The following VAT1L variants were observed in gnomAD, a reference collection of about 807,000 sequenced individuals.
VAT1L encodes the protein putative NADPH-dependent quinone oxidoreductase VAT1L.
Under a neutral mutation model 44.1 loss-of-function variants are expected in VAT1L, and 34 were observed. The observed-to-expected ratio is 0.77, with a 90% CI of 0.59 to 1.03. The LOEUF (loss-of-function observed/expected upper bound fraction) is 1.03. Ranked by LOEUF, VAT1L falls within the 50% of genes least tolerant of loss-of-function variation. VAT1L has a pLI of 0.00. For missense variants in VAT1L, 615 were observed against 538.8 expected (o/e 1.14, Z -1.40); for synonymous variants, 253 against 202.2 (o/e 1.25, Z -2.13).
chr16:77,938,806 C>G (rs1444404197), intron 7 of VAT1L, among the ~76,000 whole-genome samples: 1 of 151,996 alleles, frequency 6.6e-6, no homozygotes, highest in African/African-American at 2.4e-5. Flanking sequence ...ACTAATACAG[C>G]AAAAATAGGT....
intron 5 of VAT1L, among the ~76,000 whole-genome samples, chr16:77,877,382 C>T (rs1052282683): frequency 1.3e-5 from 2 of 151,798 alleles, no homozygotes; most frequent in Admixed American, 6.6e-5. Context: ...TGGTGGCGGG[C>T]GCCTGTAGTC....
intron 1 of VAT1L, among the ~76,000 whole-genome samples, chr16:77,789,702 A>T (rs999854524): frequency 6.6e-6 from 1 of 151,652 alleles, no homozygotes; most frequent in Admixed American, 6.6e-5. Flanking sequence ...AGGGGAAAAA[A>T]CCCTGATCAG....
At chr16:77,878,452 C>T (rs74385945) in intron 5 of VAT1L, among the ~76,000 whole-genome samples, 1,935 of 152,128 alleles carry the variant, frequency 0.013, 57 homozygotes, top group African/African-American at 0.045. Context: ...GTTAAGAGCT[C>T]TCTCATTCCC....
At chr16:77,977,540 C>T in intron 8 of VAT1L, 57 bp from the exon 9 acceptor site, 1 of 1,568,272 alleles carries the variant, frequency 6.4e-7, no homozygotes. Flanking sequence ...GTCAGATGCT[C>T]AGAGATGACG....
chr16:77,948,825 C>G (rs12444075), intron 7 of VAT1L, among the ~76,000 whole-genome samples: 12,295 of 152,194 alleles, frequency 0.081, 660 homozygotes, highest in East Asian at 0.27. Flanking sequence ...TCATCTTCTA[C>G]ATATGTAACA....
chr16:77,851,420 G>T (rs1262137646), intron 3 of VAT1L, among the ~76,000 whole-genome samples: 1 of 152,192 alleles, frequency 6.6e-6, no homozygotes, highest in Non-Finnish European at 1.5e-5. Context: ...AAGCCGAGGT[G>T]AAAGGATTGC....
chr16:77,789,064 G>A, intron 1 of VAT1L, 149 bp downstream of exon 1: 2 of 997,758 alleles, frequency 2.0e-6, no homozygotes, highest in Non-Finnish European at 2.8e-6. Context: ...AGCCTCCCCG[G>A]GCCAAAGCTG....
intron 3 of VAT1L, among the ~76,000 whole-genome samples, chr16:77,827,507 C>T (rs1472949557): frequency 2.0e-5 from 3 of 152,308 alleles, no homozygotes; most frequent in East Asian, 3.9e-4. Context: ...CTTACAGATG[C>T]TACCGACAAT....
chr16:77,805,771 G>A (rs2016144924), intron 1 of VAT1L, among the ~76,000 whole-genome samples: 2 of 151,358 alleles, frequency 1.3e-5, no homozygotes, highest in South Asian at 2.1e-4. Flanking sequence ...GCCCTGAAGT[G>A]TGATTTTTCA....
intron 7 of VAT1L, among the ~76,000 whole-genome samples, chr16:77,962,900 C>A (rs947432082): frequency 6.6e-6 from 1 of 152,116 alleles, no homozygotes; most frequent in African/African-American, 2.4e-5. Context: ...GGGTTGTGAT[C>A]ATGCCACTGC....
chr16:77,888,103 C>G (rs1214978540), intron 7 of VAT1L, among the ~76,000 whole-genome samples: 1 of 152,198 alleles, frequency 6.6e-6, no homozygotes, highest in Non-Finnish European at 1.5e-5. Flanking sequence ...CTTCAGGTCT[C>G]AGCCTCAGTA....
intron 3 of VAT1L, among the ~76,000 whole-genome samples, chr16:77,853,998 C>T (rs1055441855): frequency 2.6e-5 from 4 of 151,958 alleles, no homozygotes; most frequent in African/African-American, 4.8e-5. Flanking sequence ...CATGGTGGCA[C>T]GTGCCTGTAG....
chr16:77,825,807 G>A (rs894214900), intron 3 of VAT1L, among the ~76,000 whole-genome samples: 1 of 151,030 alleles, frequency 6.6e-6, no homozygotes, highest in East Asian at 2.0e-4. Flanking sequence ...ACGAAGTCAG[G>A]AGATCAAGAC....
At position 77,825,479 on chromosome 16, in the gene VAT1L, A is replaced by G. The variant is rs1238503829; in HGVS notation, c.579+18A>G. 1 of 1,559,788 alleles carries G rather than the reference A, an allele frequency of 6.4e-7. No individual in the cohort carries two copies. Among genetic ancestry groups the G allele is most frequent in the African/African-American group, 1.4e-5 (1 of 73,674 alleles). ...GGGGCGTGGTAAGTCAGCTGTTTGT[A>G]ACTTCTCTTCTTTAAGGTCATGATG... On this transcript the variant is annotated intron_variant, in intron 3 of 8. Transcript: ENST00000302536.
At chr16:77,863,530 C>T (rs1052648093) in intron 4 of VAT1L, among the ~76,000 whole-genome samples, 2 of 152,168 alleles carry the variant, frequency 1.3e-5, no homozygotes, top group African/African-American at 2.4e-5. Context: ...CTTCGGAGCC[C>T]GTGATTTTCC....
chr16:77,865,756 G>A (rs1319820971), intron 4 of VAT1L, among the ~76,000 whole-genome samples: 2 of 152,210 alleles, frequency 1.3e-5, no homozygotes, highest in Non-Finnish European at 2.9e-5. Flanking sequence ...ATCAGGAAAA[G>A]CTTGCTGAAC....
intron 7 of VAT1L, among the ~76,000 whole-genome samples, chr16:77,911,759 A>T (rs1391122434): frequency 6.6e-6 from 1 of 152,110 alleles, no homozygotes; most frequent in Admixed American, 6.5e-5. Flanking sequence ...TGGGGCTGAG[A>T]TATGAAGAAA....
intron 7 of VAT1L, among the ~76,000 whole-genome samples, chr16:77,969,302 G>A (rs1191354671): frequency 1.3e-5 from 2 of 152,054 alleles, no homozygotes; most frequent in Non-Finnish European, 2.9e-5. Context: ...GCAAGTCCCA[G>A]CCTCATTTTC....
At chr16:77,939,562 C>T (rs1239849317) in intron 7 of VAT1L, among the ~76,000 whole-genome samples, 2 of 152,164 alleles carry the variant, frequency 1.3e-5, no homozygotes, top group Non-Finnish European at 1.5e-5. Flanking sequence ...CTCCAAAGCT[C>T]TCTCCCTAAA....
Sources: gnomAD v4.1 joint callset for allele counts (sites outside exome capture counted in the v4.1 genomes callset) on GRCh38, gnomAD v4.1.1 for gene constraint, MANE v1.5 for transcripts, NCBI Gene and HGNC (gene_info 2026-07-23, HGNC 2026-07-21) for gene names.